XPO6: variants seen among roughly 807,000 people sequenced by gnomAD.
The protein encoded by XPO6 is exportin-6.
Under a neutral mutation model 130.0 loss-of-function variants are expected in XPO6, and 3 were observed. The observed-to-expected ratio is 0.02, with a 90% CI of 0.01 to 0.06. The LOEUF is 0.06. Among genes scored for constraint, XPO6 ranks in the 10% least tolerant of loss-of-function variants. The probability of loss-of-function intolerance (pLI) is 1.00; values close to 1 mark genes in which losing one functional copy is unlikely to be tolerated. For missense variants in XPO6, 970 were observed against 1,393.0 expected, an observed-to-expected ratio of 0.70 and a Z score of 4.83; for synonymous variants, 524 against 548.9, an observed-to-expected ratio of 0.95 and a Z score of 0.63.
At chr16:28,126,035 C>T (rs1005503577) in intron 12 of XPO6, among the ~76,000 whole-genome samples, 187 bp from the exon 13 acceptor site, 4 of 152,348 alleles carry the variant, frequency 2.6e-5, no homozygotes, top group Non-Finnish European at 4.4e-5. Context: ...CCTAACACTA[C>T]ACGTTTGTGC....
At chr16:28,143,247 A>C (rs2042926526) in intron 9 of XPO6, among the ~76,000 whole-genome samples, 1 of 152,232 alleles carries the variant, frequency 6.6e-6, no homozygotes, top group Admixed American at 6.5e-5. Context: ...TAGACTGTCC[A>C]GGGGCCATGC....
At chr16:28,102,755 GA>G (rs1255561315) in intron 21 of XPO6, among the ~76,000 whole-genome samples, 1 of 151,850 alleles carries the variant, frequency 6.6e-6, no homozygotes, top group East Asian at 1.9e-4. Context: ...AAAGAAAAAA[GA>G]AAAAAATTAC....
Position 28,106,287 on chromosome 16 carries a change from G to T in XPO6, c.2613-73C>A, listed in dbSNP as rs551685268. On this transcript the variant is annotated intron_variant, in intron 19 of 23. Transcript: ENST00000304658. The surrounding 1 kb of genome is among the most constrained non-coding windows in gnomAD (Gnocchi z 4.2). ...GGCCAGCATGAAAACCCATGCTGTG[G>T]CAAGTGCAGAACAGGAGCAAAAAGC... is the stretch of plus-strand genomic sequence containing the variant. The T allele has an allele frequency of 3.1e-6, 5 of 1,607,198 alleles. No individual in the cohort carries two copies. Among genetic ancestry groups the T allele is most frequent in the Non-Finnish European group, 4.3e-6 (5 of 1,175,062 alleles).
intron 12 of XPO6, among the ~76,000 whole-genome samples, chr16:28,127,666 G>A (rs540872405): frequency 6.6e-6 from 1 of 152,338 alleles, no homozygotes; most frequent in Admixed American, 6.5e-5. Flanking sequence ...GTAGCAGGCT[G>A]AATGCCTCGA....
At chr16:28,207,641 A>G (rs2044054894) in intron 1 of XPO6, among the ~76,000 whole-genome samples, 1 of 152,212 alleles carries the variant, frequency 6.6e-6, no homozygotes, top group South Asian at 2.1e-4. Flanking sequence ...GCCAAACAAC[A>G]TACAGGTGGA....
At chr16:28,205,205 T>A (rs2044008442) in intron 1 of XPO6, among the ~76,000 whole-genome samples, 1 of 152,068 alleles carries the variant, frequency 6.6e-6, no homozygotes, top group South Asian at 2.1e-4. Flanking sequence ...ATAAAAAAAA[T>A]ACCATGTTTG....
chr16:28,167,388 C>G (rs982318839), intron 5 of XPO6: 1 of 985,356 alleles, frequency 1.0e-6, no homozygotes, highest in African/African-American at 1.7e-5. Flanking sequence ...CTAGCCTCAC[C>G]TGACCCAGGC....
chr16:28,176,071 C>T lies in XPO6; in HGVS notation c.232G>A (p.Gly78Arg), dbSNP rs767126959. The change falls in exon 4 of 24, where the codon GGG becomes AGG. Residue 78 changes from glycine (G) to arginine (R), a missense_variant. Around this residue, in one of 4 missense-constraint regions of XPO6, gnomAD observed 936 missense variants for 1,306.8 expected, o/e 0.72. Coordinates refer to ENST00000304658, the MANE Select transcript of XPO6 (RefSeq NM_015171.4). The part of the protein sequence containing the change: ...FENLINKMWL[G>R]VPSQDKMEIR... ...TCCATCTTATCCTGAGATGGGACCC[C>T]AAGCCACATTTTATTGATCAGATTC... is the stretch of plus-strand genomic sequence containing the variant. 6.2e-7 allele frequency: 1 copy of T among 1,614,076 alleles called. No homozygotes were observed. The highest frequency in any genetic ancestry group is 8.5e-7 in the Non-Finnish European group (1 of 1,180,018).
intron 1 of XPO6, among the ~76,000 whole-genome samples, 151 bp downstream of exon 1, chr16:28,211,209 CGGGGCT>C (rs537808500): frequency 7.2e-5 from 11 of 152,168 alleles, no homozygotes; most frequent in Non-Finnish European, 1.5e-4. Context: ...AGCGCAGGGC[CGGGGCT>C]GCACACTCTG....
Position 28,132,473 on chromosome 16 carries a change from T to C in XPO6, c.1537-70A>G, listed in dbSNP as rs567017308. The C allele has an allele frequency of 9.8e-7, 1 of 1,021,398 alleles. No homozygotes were observed. Among genetic ancestry groups the C allele is most frequent in the East Asian group, 2.6e-5 (1 of 38,776 alleles). 63.3% of individuals were successfully genotyped at this position (1,021,398 alleles called of 1,614,324 possible). A position where few individuals can be genotyped will look rare whatever the true frequency, so the allele number is the denominator to read the frequency against. On this transcript the variant is annotated intron_variant, in intron 11 of 23. Coordinates refer to ENST00000304658, the MANE Select transcript of XPO6 (RefSeq NM_015171.4). This position sits in a 1 kb window ranked among gnomAD's most constrained non-coding sequence, Gnocchi z 4.0. Reference sequence around the variant, plus strand: ...TGCAAGTTTTAATAGCATTTTAACATTACAACATTAACACGTAACTATGGT... The same window carrying C: ...TGCAAGTTTTAATAGCATTTTAACACTACAACATTAACACGTAACTATGGT...
chr16:28,211,379 G>A lies in XPO6; in HGVS notation c.-11C>T, dbSNP rs756220526. On this transcript the variant is annotated 5_prime_UTR_variant, in exon 1 of 24. Coordinates refer to ENST00000304658, the MANE Select transcript of XPO6 (RefSeq NM_015171.4). ...AATTCCACTTACCATGCTGGCCGGG[G>A]AGGGGGCGGCTCAGATGAGCTGGTT... The A allele has an allele frequency of 1.5e-5, 20 of 1,312,420 alleles. 1 individual carries two copies. In the South Asian group the frequency reaches 6.0e-4, roughly 40 times the overall value. The allele number at this position is 1,312,420 out of a possible 1,614,324, so 81.3% of individuals were successfully genotyped here. A position where few individuals can be genotyped will look rare whatever the true frequency, so the allele number is the denominator to read the frequency against.
At chr16:28,135,772 CTTT>C (rs1328080655) in intron 9 of XPO6, among the ~76,000 whole-genome samples, 2 of 152,074 alleles carry the variant, frequency 1.3e-5, no homozygotes, top group African/African-American at 4.8e-5. Flanking sequence ...TGTTCTCTGC[CTTT>C]TTTAACAGGA....
At chr16:28,109,301 CTTTTTT>C in intron 17 of XPO6, among the ~76,000 whole-genome samples, 1 of 141,666 alleles carries the variant, frequency 7.1e-6, no homozygotes, top group African/African-American at 2.6e-5. Flanking sequence ...TTTTTCTTTT[CTTTTTT>C]TTTTTTTTGT....
chr16:28,115,282 C>CAATA (rs1228074766), intron 15 of XPO6, among the ~76,000 whole-genome samples: 1 of 152,114 alleles, frequency 6.6e-6, no homozygotes, highest in African/African-American at 2.4e-5. Context: ...TCTTATGAAA[C>CAATA]GTATTTCTGA....
intron 7 of XPO6, 180 bp from the exon 8 acceptor site, chr16:28,152,965 C>A: frequency 7.8e-7 from 1 of 1,288,498 alleles, no homozygotes; most frequent in Non-Finnish European, 9.8e-7. Flanking sequence ...CATTAACCAC[C>A]TGAAACATAG....
intron 1 of XPO6, among the ~76,000 whole-genome samples, chr16:28,187,511 T>A (rs531310214): frequency 1.3e-5 from 2 of 151,888 alleles, no homozygotes; most frequent in Non-Finnish European, 2.9e-5. Flanking sequence ...TGTGCACAAG[T>A]GGGGACAGTA....
In XPO6 at chr16:28,101,350, G is replaced by A. The variant is rs1207582858; in HGVS notation, c.3276+108C>T. ...GAGCTGCCGCCAAGCTGCAGGGTGG[G>A]CACAGACCACGCCCAGAGGCCTCAA... is the stretch of plus-strand genomic sequence containing the variant. On this transcript the variant is annotated intron_variant, in intron 23 of 23. Transcript: ENST00000304658. This position sits in a 1 kb window ranked among gnomAD's most constrained non-coding sequence, Gnocchi z 5.4. 2.0e-6 allele frequency: 2 copies of A among 978,994 alleles called. No individual in the cohort carries two copies. Among genetic ancestry groups the A allele is most frequent in the Admixed American group, 3.9e-5 (2 of 51,930 alleles). The allele number at this position is 978,994 out of a possible 1,614,324, so 60.6% of individuals were successfully genotyped here. A position where few individuals can be genotyped will look rare whatever the true frequency, so the allele number is the denominator to read the frequency against.
intron 1 of XPO6, among the ~76,000 whole-genome samples, chr16:28,208,246 C>T: frequency 6.6e-6 from 1 of 152,162 alleles, no homozygotes; most frequent in Non-Finnish European, 1.5e-5. Flanking sequence ...ACTTTCAAGT[C>T]TTATTAGAGT....
At chr16:28,178,713 C>A (rs1381117011) in intron 2 of XPO6, among the ~76,000 whole-genome samples, 1 of 150,962 alleles carries the variant, frequency 6.6e-6, no homozygotes, top group African/African-American at 2.4e-5. Flanking sequence ...CACGCCACTA[C>A]ACCCAGCCTG....
Sources: gnomAD v4.1 joint callset for allele counts (sites outside exome capture counted in the v4.1 genomes callset) on GRCh38, gnomAD v4.1.1 for gene constraint, gnomAD v4.1.1 regional missense constraint, Gnocchi (gnomAD v3.1) non-coding constraint, MANE v1.5 for transcripts, NCBI Gene and HGNC (gene_info 2026-07-23, HGNC 2026-07-21) for gene names.